KIF6: variants seen among roughly 807,000 people sequenced by gnomAD.
KIF6 encodes kinesin family member 6, also known as kinesin-like protein KIF6.
In KIF6, 106 loss-of-function variants were observed where a neutral mutation model predicts 112.7. The ratio of observed to expected loss-of-function variants is 0.94; its 90% confidence interval spans 0.80 to 1.11. The LOEUF is 1.11. Ranked by LOEUF, KIF6 falls within the 50% of genes least tolerant of loss-of-function variation. KIF6 has a pLI of 0.00. For synonymous variants in KIF6, 339 were observed against 339.9 expected (o/e 1.00, Z 0.03); for missense variants, 929 against 964.0 (o/e 0.96, Z 0.48).
At chr6:39,409,073 CTT>C in intron 15 of KIF6, among the ~76,000 whole-genome samples, 1 of 152,128 alleles carries the variant, frequency 6.6e-6, no homozygotes, top group African/African-American at 2.4e-5. Flanking sequence ...GTTTCAGTTT[CTT>C]CATCTGTAGT....
intron 10 of KIF6, among the ~76,000 whole-genome samples, chr6:39,572,016 A>T (rs182341297): frequency 5.3e-5 from 8 of 152,172 alleles, no homozygotes; most frequent in African/African-American, 1.2e-4. Flanking sequence ...ATTCCTACAT[A>T]ATTATTTTGC....
At chr6:39,346,322 G>C (rs1763800791) in intron 20 of KIF6, 154 bp downstream of exon 20, 1 of 700,028 alleles carries the variant, frequency 1.4e-6, no homozygotes, top group African/African-American at 1.8e-5. Flanking sequence ...TAGAGGTGGG[G>C]CCTTTGGGTG....
At chr6:39,670,173 G>T (rs148442425) in intron 3 of KIF6, among the ~76,000 whole-genome samples, 261 of 152,154 alleles carry the variant, frequency 1.7e-3, no homozygotes, top group African/African-American at 6.0e-3. Context: ...GAGCGTTTGG[G>T]GAACATCCAA....
At chr6:39,609,253 C>T (rs937841928) in intron 6 of KIF6, among the ~76,000 whole-genome samples, 7 of 152,068 alleles carry the variant, frequency 4.6e-5, no homozygotes, top group East Asian at 1.9e-4. Context: ...GGAAGCCAGG[C>T]GGAAAGAAAG....
chr6:39,375,009 C>T (rs529498833), intron 16 of KIF6, among the ~76,000 whole-genome samples: 8 of 152,306 alleles, frequency 5.3e-5, no homozygotes, highest in Admixed American at 1.3e-4. Context: ...GGTATATATA[C>T]ACAATGGAAT....
chr6:39,600,499 GATCT>G (rs2150694646), intron 6 of KIF6, among the ~76,000 whole-genome samples: 1 of 152,298 alleles, frequency 6.6e-6, no homozygotes, highest in Non-Finnish European at 1.5e-5. Flanking sequence ...TAAAGAAAGT[GATCT>G]GTTCTTAGCA....
At chr6:39,430,951 ATAGT>A in intron 14 of KIF6, 98 bp downstream of exon 14, 2 of 614,908 alleles carry the variant, frequency 3.3e-6, no homozygotes, top group Non-Finnish European at 5.9e-6. Context: ...TTTTCTTGTA[ATAGT>A]TATGTTGGGC....
intron 19 of KIF6, among the ~76,000 whole-genome samples, chr6:39,349,631 C>CTTTGTTTTTTTTT (rs1764068844): frequency 1.5e-5 from 1 of 64,544 alleles, no homozygotes; most frequent in African/African-American, 6.5e-5. Context: ...ATTTGTGGCT[C>CTTTGTTTTTTTTT]TTTTTTTTTT....
chr6:39,526,617 C>A (rs2150534711), intron 13 of KIF6, among the ~76,000 whole-genome samples: 1 of 152,300 alleles, frequency 6.6e-6, no homozygotes, highest in Admixed American at 6.5e-5. Flanking sequence ...CCCCACAACC[C>A]CTTCTTTATC....
At chr6:39,516,397 T>G (rs555384962) in intron 13 of KIF6, among the ~76,000 whole-genome samples, 151 of 148,448 alleles carry the variant, frequency 1.0e-3, no homozygotes, top group African/African-American at 3.6e-3. Flanking sequence ...ATCTTATGTA[T>G]TATATGTAAA....
At chr6:39,723,121 T>C (rs1359010473) in intron 1 of KIF6, among the ~76,000 whole-genome samples, 1 of 152,182 alleles carries the variant, frequency 6.6e-6, no homozygotes, top group Non-Finnish European at 1.5e-5. Flanking sequence ...ACTTTTTACA[T>C]ATGATGCACT....
intron 13 of KIF6, among the ~76,000 whole-genome samples, chr6:39,538,551 A>C (rs1385830629): frequency 6.6e-6 from 1 of 152,042 alleles, no homozygotes; most frequent in East Asian, 1.9e-4. Flanking sequence ...GGCCATCATT[A>C]AAAAGTCAGG....
chr6:39,661,374 C>T (rs577932890), intron 3 of KIF6, among the ~76,000 whole-genome samples: 1 of 152,280 alleles, frequency 6.6e-6, no homozygotes, highest in South Asian at 2.1e-4. Context: ...TCATGTCATA[C>T]AGCACAAAGT....
At chr6:39,480,889 T>C (rs1024348629) in intron 13 of KIF6, among the ~76,000 whole-genome samples, 1 of 152,210 alleles carries the variant, frequency 6.6e-6, no homozygotes, top group Non-Finnish European at 1.5e-5. Flanking sequence ...ATTTCTGTCA[T>C]GTCAGTTGTA....
At chr6:39,453,606 C>T (rs1017890662) in intron 13 of KIF6, among the ~76,000 whole-genome samples, 1 of 152,144 alleles carries the variant, frequency 6.6e-6, no homozygotes, top group African/African-American at 2.4e-5. Context: ...TTTGTATGTT[C>T]CCCAAACCCT....
chr6:39,713,214 C>A (rs1789657311), intron 3 of KIF6, among the ~76,000 whole-genome samples: 1 of 152,074 alleles, frequency 6.6e-6, no homozygotes, highest in African/African-American at 2.4e-5. Flanking sequence ...GAATGGAGAA[C>A]CAGGAGAGTG....
intron 7 of KIF6, among the ~76,000 whole-genome samples, chr6:39,590,445 A>ATTTTT: frequency 8.2e-6 from 1 of 121,922 alleles, no homozygotes; most frequent in African/African-American, 3.6e-5. Context: ...ATATATATAT[A>ATTTTT]TATATATTTT....
intron 5 of KIF6, among the ~76,000 whole-genome samples, chr6:39,628,186 T>C (rs528625880): frequency 6.8e-4 from 103 of 152,186 alleles, no homozygotes; most frequent in African/African-American, 2.4e-3. Flanking sequence ...AACCAGGACA[T>C]TGGCAATCCA....
chr6:39,590,651 A>C (rs1781901096), intron 7 of KIF6, among the ~76,000 whole-genome samples: 1 of 151,928 alleles, frequency 6.6e-6, no homozygotes, highest in African/African-American at 2.4e-5. Context: ...GAGTTTCACC[A>C]TGTTGGCCAG....
Sources: gnomAD v4.1 joint callset for allele counts (sites outside exome capture counted in the v4.1 genomes callset) on GRCh38, gnomAD v4.1.1 for gene constraint, MANE v1.5 for transcripts, NCBI Gene and HGNC (gene_info 2026-07-23, HGNC 2026-07-21) for gene names.